Variants in PPFIA2 observed in about 807,000 individuals in gnomAD.
The protein encoded by PPFIA2 is liprin-alpha-2.
A neutral mutation model predicts 175.5 loss-of-function variants in PPFIA2; 46 were observed. The observed-to-expected ratio is 0.26, with a 90% CI of 0.21 to 0.34. PPFIA2 has a LOEUF of 0.34. Ranked by LOEUF, PPFIA2 falls within the 10% of genes least tolerant of loss-of-function variation. The pLI is 1.00. For synonymous variants in PPFIA2, 568 were observed against 511.4 expected (o/e 1.11, Z -1.49); for missense variants, 1,179 against 1,506.1 (o/e 0.78, Z 3.60).
rs188126581 is a variant in PPFIA2 at position 81,347,865 on chromosome 12, G to T, written c.1995-95C>A. The T allele has an allele frequency of 3.4e-6, 5 of 1,467,598 alleles. 1 individual carries two copies. The Admixed American group carries it at 1.1e-4, about 33-fold the overall frequency. 90.9% of individuals were successfully genotyped at this position (1,467,598 alleles called of 1,614,324 possible). ...TCATTGGAATTCACATAATAAATCAGTAGAAACTATTCTTGAACATTTTAC... is the reference window on the plus strand; with the variant it reads ...TCATTGGAATTCACATAATAAATCATTAGAAACTATTCTTGAACATTTTAC... On this transcript the variant is annotated intron_variant, in intron 17 of 32. Coordinates refer to ENST00000549396, the MANE Select transcript of PPFIA2 (RefSeq NM_003625.5).
At chr12:81,463,737 A>G (rs2146014382) in intron 4 of PPFIA2, among the ~76,000 whole-genome samples, 1 of 152,224 alleles carries the variant, frequency 6.6e-6, no homozygotes, top group South Asian at 2.1e-4. Context: ...ACATGCATTC[A>G]GGGAATTAAT....
intron 4 of PPFIA2, among the ~76,000 whole-genome samples, chr12:81,614,314 T>C (rs2061231431): frequency 6.6e-6 from 1 of 152,112 alleles, no homozygotes; most frequent in Non-Finnish European, 1.5e-5. Context: ...ATACATTTTA[T>C]TTATAACATC....
At chr12:81,732,533 T>A (rs2081054350) in intron 3 of PPFIA2, among the ~76,000 whole-genome samples, 1 of 142,384 alleles carries the variant, frequency 7.0e-6, no homozygotes, top group South Asian at 2.2e-4. Context: ...AAAAAAACAC[T>A]CACACACACA....
At chr12:81,650,370 T>A (rs980887245) in intron 4 of PPFIA2, among the ~76,000 whole-genome samples, 2 of 152,098 alleles carry the variant, frequency 1.3e-5, no homozygotes, top group Non-Finnish European at 2.9e-5. Flanking sequence ...AGTAAAAAAA[T>A]TAAATATACC....
At chr12:81,720,445 A>G (rs1331127360) in intron 3 of PPFIA2, among the ~76,000 whole-genome samples, 2 of 151,454 alleles carry the variant, frequency 1.3e-5, no homozygotes, top group African/African-American at 2.4e-5. Context: ...CTTCAGTTAG[A>G]ATGTCATCTG....
intron 4 of PPFIA2, among the ~76,000 whole-genome samples, chr12:81,462,920 A>G (rs919258605): frequency 4.6e-5 from 7 of 151,968 alleles, no homozygotes; most frequent in African/African-American, 1.7e-4. Context: ...ATTTAAATTT[A>G]TCATTTGTTC....
chr12:81,525,895 C>A (rs755088148), intron 4 of PPFIA2, among the ~76,000 whole-genome samples: 5 of 151,874 alleles, frequency 3.3e-5, no homozygotes, highest in Non-Finnish European at 7.4e-5. Flanking sequence ...TTATTTTTGG[C>A]TAGAATAATA....
chr12:81,509,775 AC>A (rs1418918944), intron 4 of PPFIA2, among the ~76,000 whole-genome samples: 3 of 152,160 alleles, frequency 2.0e-5, no homozygotes, highest in African/African-American at 7.2e-5. Flanking sequence ...CAAGAAAGGA[AC>A]TTGGACGTCA....
intron 4 of PPFIA2, among the ~76,000 whole-genome samples, chr12:81,611,258 C>T (rs2153468768): frequency 6.6e-6 from 1 of 152,210 alleles, no homozygotes; most frequent in Non-Finnish European, 1.5e-5. Context: ...TATGCCGCAC[C>T]GTTTATGAAC....
chr12:81,407,626 T>C (rs1178460008), intron 7 of PPFIA2, among the ~76,000 whole-genome samples: 1 of 152,166 alleles, frequency 6.6e-6, no homozygotes, highest in African/African-American at 2.4e-5. Flanking sequence ...TTGAGCCCTT[T>C]GCTTCAGCGA....
chr12:81,646,863 G>A (rs1385161410), intron 4 of PPFIA2, among the ~76,000 whole-genome samples: 2 of 151,260 alleles, frequency 1.3e-5, no homozygotes, highest in African/African-American at 2.4e-5. Flanking sequence ...AGGAAGGAGG[G>A]AAGGAATGAA....
At chr12:81,317,510 A>AT (rs5799521) in intron 22 of PPFIA2, among the ~76,000 whole-genome samples, 140,623 of 151,018 alleles carry the variant, frequency 0.93, 65,579 homozygotes, top group East Asian at 0.97. Flanking sequence ...GATTTGAGAG[A>AT]TTTTTTTTAA....
At chr12:81,636,283 T>TTTTTA (rs1474019945) in intron 4 of PPFIA2, among the ~76,000 whole-genome samples, 2 of 131,780 alleles carry the variant, frequency 1.5e-5, no homozygotes, top group Admixed American at 7.8e-5. Flanking sequence ...TTTTTTTTTT[T>TTTTTA]GAGACGGAGT....
intron 21 of PPFIA2, among the ~76,000 whole-genome samples, chr12:81,331,434 C>A (rs778394721): frequency 2.6e-4 from 39 of 152,170 alleles, no homozygotes; most frequent in Non-Finnish European, 5.7e-4. Flanking sequence ...TTAAACAATG[C>A]ACGACTGTAC....
intron 3 of PPFIA2, among the ~76,000 whole-genome samples, chr12:81,735,246 C>G (rs1396747007): frequency 6.6e-6 from 1 of 151,630 alleles, no homozygotes; most frequent in Non-Finnish European, 1.5e-5. Flanking sequence ...TATGAAAGTT[C>G]TTAATTCACC....
At chr12:81,594,052 G>T (rs2058979917) in intron 4 of PPFIA2, among the ~76,000 whole-genome samples, 1 of 152,064 alleles carries the variant, frequency 6.6e-6, no homozygotes, top group Non-Finnish European at 1.5e-5. Context: ...TCATAGGAGT[G>T]TGAACCCTAT....
At chr12:81,324,494 G>T (rs769783882) in intron 22 of PPFIA2, among the ~76,000 whole-genome samples, 1 of 151,868 alleles carries the variant, frequency 6.6e-6, no homozygotes, top group African/African-American at 2.4e-5. Context: ...TAGTCAGGCT[G>T]GGTTTTGATC....
At chr12:81,295,145 G>A (rs996704358) in intron 23 of PPFIA2, 110 bp from the exon 24 acceptor site, 22 of 933,798 alleles carry the variant, frequency 2.4e-5, no homozygotes, top group Middle Eastern at 2.9e-4. Context: ...CTCACCCCAC[G>A]AGATAAAATG....
At chr12:81,332,206 C>T (rs2056264122) in intron 21 of PPFIA2, among the ~76,000 whole-genome samples, 1 of 151,996 alleles carries the variant, frequency 6.6e-6, no homozygotes, top group East Asian at 1.9e-4. Flanking sequence ...CAAGATGCTG[C>T]CTCCCAATCT....
Sources: allele counts gnomAD v4.1 joint callset (sites outside exome capture counted in the v4.1 genomes callset), GRCh38; gene constraint gnomAD v4.1.1; transcripts MANE v1.5; gene names NCBI Gene and HGNC (gene_info 2026-07-23, HGNC 2026-07-21).